The following PCNX2 variants were observed in gnomAD, a reference collection of about 807,000 sequenced individuals.
PCNX2 encodes the protein pecanex-like protein 2.
A neutral mutation model predicts 223.8 loss-of-function variants in PCNX2; 168 were observed. The observed-to-expected ratio is 0.75, with a 90% confidence interval of 0.66 to 0.85. The LOEUF (loss-of-function observed/expected upper bound fraction) is 0.85, where lower values mean the gene tolerates loss of function less well. PCNX2 is among the 40% of genes least tolerant of loss of function. PCNX2 has a pLI of 0.00. For synonymous variants in PCNX2, 1,006 were observed against 1,052.6 expected (o/e 0.96, Z 0.86); for missense variants, 2,507 against 2,675.5 (o/e 0.94, Z 1.39).
At position 233,295,482 on chromosome 1, in the gene PCNX2, G is replaced by C. The variant is rs372374572; in HGVS notation, c.-4C>G. 2 of 1,546,870 alleles carry C rather than the reference G, an allele frequency of 1.3e-6. No individual in the cohort carries two copies. Among genetic ancestry groups the C allele is most frequent in the Non-Finnish European group, 8.7e-7 (1 of 1,145,312 alleles). On this transcript the variant is annotated 5_prime_UTR_variant, in exon 1 of 34. Transcript: ENST00000258229. The surrounding 1 kb of genome is among the most constrained non-coding windows in gnomAD (Gnocchi z 4.1). ...GCTGCAGCACCTGGGACACCATGCC[G>C]GCTGCGCCCCGGGGCTGGTGAGCGC...
chr1:233,053,704 T>C (rs1319824381), intron 25 of PCNX2, among the ~76,000 whole-genome samples: 1 of 152,136 alleles, frequency 6.6e-6, no homozygotes. Flanking sequence ...CAGCTCCTCA[T>C]TTGCGGGAAA....
rs568234544 is a variant in PCNX2 at position 233,273,875 on chromosome 1, G to A, written c.154-10712C>T. 7.2e-5 allele frequency among the ~76,000 whole-genome samples: 11 copies of A among 152,064 alleles called. No homozygotes were observed. In the South Asian group the frequency reaches 8.3e-4, roughly 12 times the overall value. ...CCTGACCCTGTGATTTGCCTGCCTTGGCCTCCCAAAGTGCTGGGATTACAG... is the reference window on the plus strand; with the variant it reads ...CCTGACCCTGTGATTTGCCTGCCTTAGCCTCCCAAAGTGCTGGGATTACAG... On this transcript the variant is annotated intron_variant, in intron 1 of 33. Transcript: ENST00000258229.
chr1:233,000,158 C>T lies in PCNX2; in HGVS notation c.5328+147G>A. The T allele has an allele frequency of 2.4e-6, 2 of 840,854 alleles. No homozygotes were observed. The highest frequency in any genetic ancestry group is 3.3e-5 in the African/African-American group (2 of 60,022). 52.1% of individuals were successfully genotyped at this position (840,854 alleles called of 1,614,324 possible). A position where few individuals can be genotyped will look rare whatever the true frequency, so the allele number is the denominator to read the frequency against. ...ACCATGCCCTGCCCCACTTGCCAGC[C>T]AGCGCTCCTTCCAGAACATCCCTCT... On this transcript the variant is annotated intron_variant, in intron 30 of 33. Coordinates refer to ENST00000258229, the MANE Select transcript of PCNX2 (RefSeq NM_014801.4). This position sits in a 1 kb window ranked among gnomAD's most constrained non-coding sequence, Gnocchi z 4.6.
intron 26 of PCNX2, among the ~76,000 whole-genome samples, chr1:233,017,672 T>A (rs1228681989): frequency 6.6e-6 from 1 of 152,008 alleles, no homozygotes; most frequent in Admixed American, 6.6e-5. Flanking sequence ...AGACATGAAA[T>A]CCCTACAGAT....
chr1:233,248,284 C>G (rs1307732240), intron 8 of PCNX2, among the ~76,000 whole-genome samples: 1 of 151,964 alleles, frequency 6.6e-6, no homozygotes, highest in Non-Finnish European at 1.5e-5. Flanking sequence ...CTTCCAGTCT[C>G]GGGGGAACCT....
In PCNX2 at chr1:233,135,044, T is replaced by C; in HGVS notation, c.3806A>G (p.Asp1269Gly). 1 of 1,611,244 alleles carries C rather than the reference T, an allele frequency of 6.2e-7. No homozygotes were observed. The highest frequency in any genetic ancestry group is 1.3e-5 in the African/African-American group (1 of 74,924). ...AAATAAAATGGACACCATGAAGAAA[T>C]CCAGTAAGAAGCTCTCTGAAATATC... ...YKDISESFLL[D>G]FFMVSILFSK... The change falls in exon 21 of 34, where the codon GAT (aspartate) becomes GGT (glycine). Residue 1269 changes from aspartate to glycine, a missense_variant. Coordinates refer to ENST00000258229, the MANE Select transcript of PCNX2 (RefSeq NM_014801.4).
At chr1:233,042,936 G>A (rs1671694589) in intron 25 of PCNX2, among the ~76,000 whole-genome samples, 2 of 152,180 alleles carry the variant, frequency 1.3e-5, no homozygotes, top group Non-Finnish European at 2.9e-5. Flanking sequence ...AAATCGTGAG[G>A]TGGAAGGGGC....
rs1676084458 is a variant in PCNX2, at chr1:233,126,133, T to C, written c.3837+8880A>G. ...GCTGAGACAGGAGAATCGCTGGAAG[T>C]TGGAAGGCAGAGGTTGCAGTGAGCT... On this transcript the variant is annotated intron_variant, in intron 21 of 33. Transcript: ENST00000258229. The surrounding 1 kb of genome is among the most constrained non-coding windows in gnomAD (Gnocchi z 4.8). 6.6e-6 allele frequency: 1 copy of C among 151,854 alleles called. No homozygotes were observed. The highest frequency in any genetic ancestry group is 6.6e-5 in the Admixed American group (1 of 15,248). The allele number at this position is 151,854 out of a possible 1,614,324, so 9.4% of individuals were successfully genotyped here. A position where few individuals can be genotyped will look rare whatever the true frequency, so the allele number is the denominator to read the frequency against.
rs540000903 is a variant in PCNX2 at position 233,072,041 on chromosome 1, T to C, written c.4077-14751A>G. ...TCAGTTCCTTATAGATGCTGGATAT[T>C]AGACCTTTGTCAGATGCATAGTTTG... On this transcript the variant is annotated intron_variant, in intron 23 of 33. Coordinates refer to ENST00000258229, the MANE Select transcript of PCNX2 (RefSeq NM_014801.4). 1.3e-3 allele frequency among the ~76,000 whole-genome samples: 198 copies of C among 152,372 alleles called. 1 individual carries two copies. Among genetic ancestry groups the C allele is most frequent in the Non-Finnish European group, 2.3e-3 (154 of 68,034 alleles).
chr1:233,101,174 G>C (rs1041757074), intron 21 of PCNX2, among the ~76,000 whole-genome samples: 1 of 152,122 alleles, frequency 6.6e-6, no homozygotes, highest in Non-Finnish European at 1.5e-5. Context: ...CGGAAACAAA[G>C]GAATTGTGGA....
At chr1:233,137,679 T>C (rs544756102) in intron 20 of PCNX2, among the ~76,000 whole-genome samples, 10 of 152,326 alleles carry the variant, frequency 6.6e-5, no homozygotes, top group African/African-American at 2.4e-4. Flanking sequence ...TACGTGAAGA[T>C]AGACTGCACT....
chr1:233,292,202 C>CCT (rs1661807633), intron 1 of PCNX2, among the ~76,000 whole-genome samples: 1 of 109,486 alleles, frequency 9.1e-6, no homozygotes, highest in African/African-American at 4.0e-5. Context: ...TTCTTTCTTT[C>CCT]TTTTTTTTTT....
intron 1 of PCNX2, among the ~76,000 whole-genome samples, chr1:233,288,695 TC>T (rs1298969239): frequency 6.6e-6 from 1 of 151,674 alleles, no homozygotes; most frequent in African/African-American, 2.4e-5. Context: ...CACAGAGCCA[TC>T]CGGAGAAGCA....
In PCNX2 at chr1:233,160,301, G is replaced by T; in HGVS notation, c.3499C>A (p.His1167Asn). ...SHPILKNKEY[H>N]QREVRDVAHL... is the part of the protein sequence containing the mutation. ...TACTAACCTCTCACTTCCCGTTGATGATACTCTTTGTTTTTGAGAATGGGG... is the reference window on the plus strand; with the variant it reads ...TACTAACCTCTCACTTCCCGTTGATTATACTCTTTGTTTTTGAGAATGGGG... The change falls in exon 19 of 34, where the codon CAT becomes AAT. Residue 1167 changes from histidine (H) to asparagine (N), a missense_variant. By Grantham distance (68) the His-to-Asn change is moderately conservative. This residue lies in a region of PCNX2 where 1,372 missense variants were observed against 1,509.4 expected (regional missense o/e 0.91). Transcript: ENST00000258229. The T allele has an allele frequency of 6.2e-7, 1 of 1,610,022 alleles. No individual in the cohort carries two copies. The highest frequency in any genetic ancestry group is 8.5e-7 in the Non-Finnish European group (1 of 1,178,150).
intron 22 of PCNX2, among the ~76,000 whole-genome samples, chr1:233,090,824 T>C (rs1031969705): frequency 2.6e-5 from 4 of 152,134 alleles, no homozygotes; most frequent in Non-Finnish European, 5.9e-5. Context: ...CTTATATGAG[T>C]TTCTCACGTA....
chr1:233,259,192 T>A lies in PCNX2; in HGVS notation c.670A>T (p.Ile224Phe). ...CCTCTTTCCTTTCCTTTACCATTGA[T>A]GAGAGTTTCTGTGGCAACTGGTTTT... ...PVKPVATETL[I>F]NGKGKERGGK... is the part of the protein sequence containing the mutation. Residue 224 changes from isoleucine (I) to phenylalanine (F), a missense_variant, in exon 5 of 34, where the codon ATC (isoleucine) becomes TTC (phenylalanine). By Grantham distance (21) the Ile-to-Phe change is conservative. This residue lies in a region of PCNX2 where 1,031 missense variants were observed against 1,021.7 expected (regional missense o/e 1.01). Transcript: ENST00000258229. 6.2e-7 allele frequency: 1 copy of A among 1,613,674 alleles called. No homozygotes were observed. The highest frequency in any genetic ancestry group is 8.5e-7 in the Non-Finnish European group (1 of 1,179,650).
At position 232,986,462 on chromosome 1, in the gene PCNX2, C is replaced by T; in HGVS notation, c.5870G>A (p.Gly1957Asp). 6.2e-7 allele frequency: 1 copy of T among 1,604,654 alleles called. No individual in the cohort carries two copies. The highest frequency in any genetic ancestry group is 8.5e-7 in the Non-Finnish European group (1 of 1,174,956). ...TGTTTGGCGGCTCTCTAAGATGGGG[C>T]CAGATGAGCTCAGCATGGGCGGCCT... Reference protein sequence around the residue: ...SQRPPMLSSSGPILESRQTFL... With the variant: ...SQRPPMLSSSDPILESRQTFL... The change falls in exon 33 of 34, where the codon GGC becomes GAC. Residue 1957 changes from glycine to aspartate, a missense_variant. Coordinates refer to ENST00000258229, the MANE Select transcript of PCNX2 (RefSeq NM_014801.4).
chr1:233,035,664 A>G (rs1671429932), intron 25 of PCNX2, among the ~76,000 whole-genome samples: 1 of 152,224 alleles, frequency 6.6e-6, no homozygotes, highest in Non-Finnish European at 1.5e-5. Flanking sequence ...TGGGACTTAT[A>G]GGCACAAACG....
Position 233,054,154 on chromosome 1 carries a change from A to C in PCNX2, c.4351+114T>G, listed in dbSNP as rs981382686. On this transcript the variant is annotated intron_variant, in intron 25 of 33. Coordinates refer to ENST00000258229, the MANE Select transcript of PCNX2 (RefSeq NM_014801.4). ...AGGTAGTGGTGGCAAGCTCACTTTC[A>C]GTAGGAAGACATTAAGTTTTTCCTG... The C allele has an allele frequency of 1.2e-5, 11 of 880,446 alleles. No homozygotes were observed. The African/African-American group carries it at 1.9e-4, about 15-fold the overall frequency. The allele number at this position is 880,446 out of a possible 1,614,324, so 54.5% of individuals were successfully genotyped here.
Sources: gnomAD v4.1 joint callset for allele counts (sites outside exome capture counted in the v4.1 genomes callset) on GRCh38, gnomAD v4.1.1 for gene constraint, gnomAD v4.1.1 regional missense constraint, Gnocchi (gnomAD v3.1) non-coding constraint, MANE v1.5 for transcripts, NCBI Gene and HGNC (gene_info 2026-07-23, HGNC 2026-07-21) for gene names.